Variants in ITGA4 observed in about 807,000 individuals in gnomAD.
ITGA4 encodes the protein integrin subunit alpha 4.
Under a neutral mutation model 133.6 loss-of-function variants are expected in ITGA4, and 63 were observed. The observed-to-expected ratio is 0.47, with a 90% CI of 0.38 to 0.58. The LOEUF is 0.58. Ranked by LOEUF, ITGA4 falls within the 20% of genes least tolerant of loss-of-function variation. The pLI is 0.00. For missense variants in ITGA4, 1,076 were observed against 1,252.7 expected (o/e 0.86, Z 2.13); for synonymous variants, 483 against 438.0 (o/e 1.10, Z -1.28).
At position 181,536,963 on chromosome 2, in the gene ITGA4, C is replaced by CCATCCTAATTGATGAAAGTT; in HGVS notation, c.*1437_*1456dup. The CCATCCTAATTGATGAAAGTT allele has an allele frequency of 4.4e-6, 2 of 452,678 alleles. No homozygotes were observed. Among genetic ancestry groups the CCATCCTAATTGATGAAAGTT allele is most frequent in the African/African-American group, 2.0e-5 (1 of 50,024 alleles). 28.0% of individuals were successfully genotyped at this position (452,678 alleles called of 1,614,324 possible). Reference sequence around the variant, plus strand: ...ATATGAAGTCCCTGCCACTAGCCAGCCATCCTAATTGATGAAAGTTATCTG... The same window carrying CCATCCTAATTGATGAAAGTT: ...ATATGAAGTCCCTGCCACTAGCCAGCCATCCTAATTGATGAAAGTTCATCCTAATTGATGAAAGTTATCTG... On this transcript the variant is annotated 3_prime_UTR_variant, in exon 28 of 28. Coordinates refer to ENST00000397033, the MANE Select transcript of ITGA4 (RefSeq NM_000885.6).
At chr2:181,477,013 CT>C (rs1401233581) in intron 4 of ITGA4, among the ~76,000 whole-genome samples, 1 of 152,100 alleles carries the variant, frequency 6.6e-6, no homozygotes, top group African/African-American at 2.4e-5. Context: ...GAAAAACTAC[CT>C]ATCAGGTACT....
rs148901650 is a variant in ITGA4 at position 181,481,625 on chromosome 2, G to A, written c.782G>A (p.Arg261Gln). 1.2e-4 allele frequency: 197 copies of A among 1,596,080 alleles called. 1 individual carries two copies. The East Asian group carries it at 2.8e-3, about 23-fold the overall frequency. The change falls in exon 7 of 28, where the codon CGG becomes CAG. Residue 261 changes from arginine (R) to glutamine (Q), a missense_variant. Transcript: ENST00000397033. ...LGYSVGAGHFRSQHTTEVVGG... is the reference protein window; with the variant it reads ...LGYSVGAGHFQSQHTTEVVGG... ...TATTCAGTCGGAGCTGGTCATTTTC[G>A]GAGCCAGCATACTACCGAAGTAGTC...
intron 26 of ITGA4, 122 bp downstream of exon 26, chr2:181,534,492 G>C (rs1203868212): frequency 4.4e-6 from 3 of 683,452 alleles, no homozygotes; most frequent in Non-Finnish European, 7.7e-6. Flanking sequence ...CTCATGGAGG[G>C]CCCCCAATAC....
At chr2:181,477,494 G>A (rs1350243879) in intron 4 of ITGA4, among the ~76,000 whole-genome samples, 3 of 152,006 alleles carry the variant, frequency 2.0e-5, no homozygotes, top group Non-Finnish European at 2.9e-5. Flanking sequence ...TCACCAACTC[G>A]ATAGCAAAAA....
chr2:181,532,910 C>T (rs1686974089), intron 25 of ITGA4, among the ~76,000 whole-genome samples: 1 of 152,098 alleles, frequency 6.6e-6, no homozygotes, highest in South Asian at 2.1e-4. Flanking sequence ...AGATATGTTC[C>T]ATCAACACCT....
At chr2:181,505,563 T>C (rs1438964889) in intron 15 of ITGA4, among the ~76,000 whole-genome samples, 2 of 152,120 alleles carry the variant, frequency 1.3e-5, no homozygotes, top group Non-Finnish European at 2.9e-5. Flanking sequence ...ACAAATCTAC[T>C]TTTTTACTCC....
At chr2:181,507,688 A>C (rs1574402920) in intron 15 of ITGA4, among the ~76,000 whole-genome samples, 1 of 152,104 alleles carries the variant, frequency 6.6e-6, no homozygotes, top group East Asian at 1.9e-4. Flanking sequence ...CCTCTAAATT[A>C]CTTATAACAT....
chr2:181,462,995 T>C (rs1488668731), intron 2 of ITGA4, among the ~76,000 whole-genome samples: 2 of 152,170 alleles, frequency 1.3e-5, no homozygotes, highest in African/African-American at 4.8e-5. Flanking sequence ...TAAGATAGGT[T>C]ATTATAGGAA....
intron 15 of ITGA4, among the ~76,000 whole-genome samples, chr2:181,503,281 A>G (rs953730105): frequency 4.6e-5 from 7 of 152,136 alleles, no homozygotes; most frequent in African/African-American, 9.6e-5. Context: ...TCCAGATCTT[A>G]AGTTTAAAAA....
chr2:181,537,230 G>A lies in ITGA4; in HGVS notation c.*1703G>A, dbSNP rs11553356. 1 of 452,766 alleles carries A rather than the reference G, an allele frequency of 2.2e-6. No individual in the cohort carries two copies. Among genetic ancestry groups the A allele is most frequent in the Non-Finnish European group, 4.4e-6 (1 of 226,010 alleles). The allele number at this position is 452,766 out of a possible 1,614,324, so 28.0% of individuals were successfully genotyped here. A position where few individuals can be genotyped will look rare whatever the true frequency, so the allele number is the denominator to read the frequency against. ...GATTTAGAACTGTCTTCTCCAGGAT[G>A]GTCTCTAAGGAAATTTACATTTGGT... On this transcript the variant is annotated 3_prime_UTR_variant, in exon 28 of 28. Coordinates refer to ENST00000397033, the MANE Select transcript of ITGA4 (RefSeq NM_000885.6).
At position 181,537,366 on chromosome 2, in the gene ITGA4, A is replaced by C. The variant is rs986141840; in HGVS notation, c.*1839A>C. On this transcript the variant is annotated 3_prime_UTR_variant, in exon 28 of 28. Transcript: ENST00000397033. ...CACAGGCCTCTCAGATACAAGGGGA[A>C]CACAATTACATATTGGGCTAGATTT... 6.6e-6 allele frequency: 3 copies of C among 453,710 alleles called. No individual in the cohort carries two copies. The highest frequency in any genetic ancestry group is 6.0e-5 in the African/African-American group (3 of 49,984). The allele number at this position is 453,710 out of a possible 1,614,324, so 28.1% of individuals were successfully genotyped here.
intron 22 of ITGA4, 170 bp downstream of exon 22, chr2:181,527,557 T>G: frequency 1.9e-6 from 1 of 534,602 alleles, no homozygotes; most frequent in South Asian, 2.1e-5. Flanking sequence ...CCTGCTGCTT[T>G]CCTTCCACTT....
intron 2 of ITGA4, among the ~76,000 whole-genome samples, chr2:181,466,732 G>A (rs1184506347): frequency 5.3e-5 from 8 of 152,096 alleles, no homozygotes; most frequent in South Asian, 2.1e-4. Flanking sequence ...AATGGATTTA[G>A]TAAGTATTAG....
chr2:181,488,078 A>G (rs187923314), intron 10 of ITGA4, among the ~76,000 whole-genome samples: 1 of 152,268 alleles, frequency 6.6e-6, no homozygotes, highest in African/African-American at 2.4e-5. Flanking sequence ...ATGTATGTAC[A>G]CATGAGAAAT....
At position 181,535,702 on chromosome 2, in the gene ITGA4, TAGA is replaced by T. The variant is rs1175885321; in HGVS notation, c.*180_*182del. On this transcript the variant is annotated 3_prime_UTR_variant, in exon 28 of 28. Coordinates refer to ENST00000397033, the MANE Select transcript of ITGA4 (RefSeq NM_000885.6). ...TCTCAGCAATGATTACTCTTTGAGA[TAGA>T]AGAACTGCAAAGGTAATAATACAGC... 8.5e-6 allele frequency: 6 copies of T among 705,642 alleles called. No individual in the cohort carries two copies. The East Asian group carries it at 9.3e-5, about 11-fold the overall frequency. The allele number at this position is 705,642 out of a possible 1,614,324, so 43.7% of individuals were successfully genotyped here. A position where few individuals can be genotyped will look rare whatever the true frequency, so the allele number is the denominator to read the frequency against.
chr2:181,531,935 A>G (rs1686953835), intron 25 of ITGA4, among the ~76,000 whole-genome samples, 159 bp downstream of exon 25: 2 of 152,240 alleles, frequency 1.3e-5, no homozygotes, highest in African/African-American at 4.8e-5. Context: ...CACTTCAACT[A>G]TCTACATTGA....
Position 181,537,405 on chromosome 2 carries a change from A to C in ITGA4, c.*1878A>C, listed in dbSNP as rs954362316. The C allele has an allele frequency of 2.2e-6, 1 of 450,236 alleles. No individual in the cohort carries two copies. Among genetic ancestry groups the C allele is most frequent in the Non-Finnish European group, 4.5e-6 (1 of 224,144 alleles). The allele number at this position is 450,236 out of a possible 1,614,324, so 27.9% of individuals were successfully genotyped here. The stretch of plus-strand genomic sequence containing the variant: ...TGGGCTAGATTTTGCCCAGTTCAAA[A>C]TAGTATTTGTTATCAACTTACTTTG... On this transcript the variant is annotated 3_prime_UTR_variant, in exon 28 of 28. Coordinates refer to ENST00000397033, the MANE Select transcript of ITGA4 (RefSeq NM_000885.6).
rs753898074 is a variant in ITGA4 at position 181,509,733 on chromosome 2, C to G, written c.1771C>G (p.Arg591Gly). ...CCTTGGTCCTCATGTCATCAGTAAA[C>G]GAAGTACAGAGGAATTCCCACCACT... ...YHLGPHVISK[R>G]STEEFPPLQP... Residue 591 changes from arginine to glycine, a missense_variant, in exon 16 of 28, where the codon CGA (arginine) becomes GGA (glycine). Around this residue, in one of 4 missense-constraint regions of ITGA4, gnomAD observed 365 missense variants for 421.4 expected, o/e 0.87. Coordinates refer to ENST00000397033, the MANE Select transcript of ITGA4 (RefSeq NM_000885.6). The G allele has an allele frequency of 1.9e-6, 3 of 1,610,352 alleles. No individual in the cohort carries two copies. Among genetic ancestry groups the G allele is most frequent in the African/African-American group, 1.3e-5 (1 of 74,690 alleles).
intron 2 of ITGA4, among the ~76,000 whole-genome samples, chr2:181,471,754 G>T (rs1407306383): frequency 6.6e-6 from 1 of 152,040 alleles, no homozygotes; most frequent in Non-Finnish European, 1.5e-5. Flanking sequence ...TTCTGCTCAC[G>T]GGTGAATGAA....
Sources: gnomAD v4.1 joint callset for allele counts (sites outside exome capture counted in the v4.1 genomes callset) on GRCh38, gnomAD v4.1.1 for gene constraint, gnomAD v4.1.1 regional missense constraint, MANE v1.5 for transcripts, NCBI Gene and HGNC (gene_info 2026-07-23, HGNC 2026-07-21) for gene names.